TRAPPC9: variants seen among roughly 807,000 people sequenced by gnomAD.
TRAPPC9 encodes the protein trafficking protein particle complex subunit 9.
TRAPPC9 carries 83 observed loss-of-function variants against 124.0 expected under a neutral mutation model. The observed-to-expected ratio is 0.67, with a 90% CI of 0.56 to 0.80. TRAPPC9 has a LOEUF of 0.80. TRAPPC9 is among the 30% of genes least tolerant of loss of function. The pLI is 0.00. For missense variants in TRAPPC9, 1,302 were observed against 1,508.3 expected (o/e 0.86, Z 2.27); for synonymous variants, 638 against 617.5 (o/e 1.03, Z -0.49).
intron 5 of TRAPPC9, among the ~76,000 whole-genome samples, chr8:140,413,633 T>C (rs1474383211): frequency 6.8e-6 from 1 of 147,394 alleles, no homozygotes; most frequent in Non-Finnish European, 1.5e-5. Context: ...TAGCATTAGG[T>C]ATATCTCCTA....
chr8:139,805,453 G>C (rs1823983205), intron 21 of TRAPPC9, among the ~76,000 whole-genome samples: 1 of 152,220 alleles, frequency 6.6e-6, no homozygotes, highest in South Asian at 2.1e-4. Context: ...TGTGCACTCA[G>C]GCTAAGACAT....
intron 19 of TRAPPC9, among the ~76,000 whole-genome samples, chr8:139,943,202 G>A (rs1041178068): frequency 6.6e-6 from 1 of 152,166 alleles, no homozygotes; most frequent in African/African-American, 2.4e-5. Flanking sequence ...AAGTAGTTGG[G>A]ACTACAGGTG....
At chr8:140,453,099 A>AT in intron 1 of TRAPPC9, among the ~76,000 whole-genome samples, 1 of 152,064 alleles carries the variant, frequency 6.6e-6, no homozygotes, top group East Asian at 1.9e-4. Flanking sequence ...AAAAAGTCTA[A>AT]TTTTTTTAAA....
At chr8:140,200,575 CCTT>C (rs1302382697) in intron 17 of TRAPPC9, among the ~76,000 whole-genome samples, 1 of 152,130 alleles carries the variant, frequency 6.6e-6, no homozygotes, top group African/African-American at 2.4e-5. Context: ...CACGTCGACT[CCTT>C]CTCACTATAA....
rs143396124 is a variant in TRAPPC9, at chr8:139,731,118, T to G, written c.3390A>C (p.Pro1130=). The G allele has an allele frequency of 5.5e-4, 881 of 1,613,726 alleles. 11 individuals are homozygous for G. The African/African-American group carries it at 0.011, about 20-fold the overall frequency. ...FHEDSTSKEL[P]PSWFCLPSVH... is the part of the protein sequence containing the mutation. ...CACTGGGCAGGCAGAACCAAGAGGGTGGCAGCTCCTTGCTGGTGCTGTCCT... is the reference window on the plus strand; with the variant it reads ...CACTGGGCAGGCAGAACCAAGAGGGGGGCAGCTCCTTGCTGGTGCTGTCCT... Residue 1130 remains proline, a synonymous_variant, in exon 23 of 23, where the codon CCA becomes CCC. Coordinates refer to ENST00000438773, the MANE Select transcript of TRAPPC9 (RefSeq NM_001160372.4).
chr8:140,311,199 G>A (rs199903158), intron 10 of TRAPPC9, 49 bp downstream of exon 10: 42 of 1,601,294 alleles, frequency 2.6e-5, no homozygotes, highest in African/African-American at 1.5e-4. Flanking sequence ...ACTAGAGGAC[G>A]GTGTCCCAGA....
At chr8:139,875,344 C>T (rs1829252674) in intron 21 of TRAPPC9, among the ~76,000 whole-genome samples, 1 of 152,138 alleles carries the variant, frequency 6.6e-6, no homozygotes, top group Non-Finnish European at 1.5e-5. Context: ...CACAGGGACG[C>T]AGAAAGGAGA....
In TRAPPC9 at chr8:140,401,080, G is replaced by C. The variant is rs192293672; in HGVS notation, c.1009-3335C>G. Among the ~76,000 whole-genome samples, 85 of 152,306 alleles carry C rather than the reference G, an allele frequency of 5.6e-4. No homozygotes were observed. In the East Asian group the frequency reaches 0.015, roughly 28 times the overall value. ...AGGAAAAACACACTAATATTCTTTT[G>C]CTGGGGCATTAGGTCATGTGAAAAC... On this transcript the variant is annotated intron_variant, in intron 6 of 22. Coordinates refer to ENST00000438773, the MANE Select transcript of TRAPPC9 (RefSeq NM_001160372.4).
At chr8:140,260,319 G>C (rs2064373755) in intron 15 of TRAPPC9, among the ~76,000 whole-genome samples, 1 of 152,142 alleles carries the variant, frequency 6.6e-6, no homozygotes, top group Non-Finnish European at 1.5e-5. Flanking sequence ...TGAGCCAATG[G>C]TGATGCTTTC....
At chr8:140,384,961 C>T (rs183378982) in intron 7 of TRAPPC9, among the ~76,000 whole-genome samples, 60 of 152,298 alleles carry the variant, frequency 3.9e-4, no homozygotes, top group African/African-American at 1.3e-3. Context: ...GAAATTATAA[C>T]AAACTGTCTC....
At chr8:139,913,135 G>C (rs544718969) in intron 19 of TRAPPC9, among the ~76,000 whole-genome samples, 1 of 152,316 alleles carries the variant, frequency 6.6e-6, no homozygotes, top group East Asian at 1.9e-4. Flanking sequence ...ATCTAATCTG[G>C]GGGTATCTTT....
At chr8:139,752,017 C>T (rs1474193904) in intron 21 of TRAPPC9, among the ~76,000 whole-genome samples, 1 of 151,552 alleles carries the variant, frequency 6.6e-6, no homozygotes, top group Non-Finnish European at 1.5e-5. Context: ...ATCCATCCAT[C>T]CAAAATCCAC....
At chr8:139,888,287 G>A (rs999236429) in intron 20 of TRAPPC9, among the ~76,000 whole-genome samples, 1 of 152,176 alleles carries the variant, frequency 6.6e-6, no homozygotes, top group African/African-American at 2.4e-5. Flanking sequence ...GGCAGGTTCT[G>A]GAGACTCGGC....
At chr8:140,337,071 C>T (rs896567585) in intron 9 of TRAPPC9, among the ~76,000 whole-genome samples, 2 of 152,158 alleles carry the variant, frequency 1.3e-5, no homozygotes, top group African/African-American at 4.8e-5. Context: ...GAGTAAGTGT[C>T]CTTAGCTGGC....
intron 10 of TRAPPC9, among the ~76,000 whole-genome samples, chr8:140,305,407 T>C (rs1426330773): frequency 6.6e-6 from 1 of 152,124 alleles, no homozygotes; most frequent in East Asian, 1.9e-4. Flanking sequence ...TTCAAACAAT[T>C]CTGGTGCCTC....
At chr8:139,790,093 C>A (rs531862784) in intron 21 of TRAPPC9, among the ~76,000 whole-genome samples, 16 of 152,296 alleles carry the variant, frequency 1.1e-4, no homozygotes, top group African/African-American at 3.8e-4. Flanking sequence ...CATGCATCTG[C>A]GGAACATGCT....
intron 18 of TRAPPC9, among the ~76,000 whole-genome samples, chr8:139,996,172 AAAAAAAAAAAG>A (rs1367720299): frequency 3.4e-5 from 5 of 147,636 alleles, no homozygotes; most frequent in African/African-American, 4.9e-5. Context: ...AAAAAAAAAA[AAAAAAAAAAAG>A]AAAGGAAAGA....
intron 1 of TRAPPC9, among the ~76,000 whole-genome samples, chr8:140,457,197 C>A (rs1236099000): frequency 6.6e-6 from 1 of 152,208 alleles, no homozygotes; most frequent in Non-Finnish European, 1.5e-5. Context: ...TCCCAGACCC[C>A]GCGGGCTCCA....
chr8:139,871,843 A>G (rs998653745), intron 21 of TRAPPC9, among the ~76,000 whole-genome samples: 1 of 152,148 alleles, frequency 6.6e-6, no homozygotes, highest in African/African-American at 2.4e-5. Context: ...AGGTGGGTGA[A>G]TGGATCAATG....
Sources: gnomAD v4.1 joint callset for allele counts (sites outside exome capture counted in the v4.1 genomes callset) on GRCh38, gnomAD v4.1.1 for gene constraint, MANE v1.5 for transcripts, NCBI Gene and HGNC (gene_info 2026-07-23, HGNC 2026-07-21) for gene names.